The following ZNF280D variants were observed in gnomAD, a reference collection of about 807,000 sequenced individuals.
ZNF280D encodes the protein zinc finger protein 280D, also known as suppressor of hairy wing homolog 4.
In ZNF280D, 39 loss-of-function variants were observed where a neutral mutation model predicts 94.7. The observed-to-expected ratio is 0.41, with a 90% CI of 0.32 to 0.54. The LOEUF (loss-of-function observed/expected upper bound fraction) is 0.54, where lower values mean the gene tolerates loss of function less well. Ranked by LOEUF, ZNF280D falls within the 20% of genes least tolerant of loss-of-function variation. The pLI is 0.22. For synonymous variants in ZNF280D, 398 were observed against 377.6 expected (o/e 1.05, Z -0.63); for missense variants, 1,090 against 1,149.3 (o/e 0.95, Z 0.75).
chr15:56,699,065 T>A (rs2056909389), intron 6 of ZNF280D: 1 of 152,258 alleles, frequency 6.6e-6, no homozygotes, highest in Admixed American at 6.5e-5. Flanking sequence ...CTGTGTAAGT[T>A]TGTGGTAATA....
chr15:56,727,427 C>G (rs993942707), intron 1 of ZNF280D, among the ~76,000 whole-genome samples: 14 of 152,140 alleles, frequency 9.2e-5, no homozygotes, highest in African/African-American at 3.4e-4. Flanking sequence ...CCATTGCATT[C>G]CAGCCTGGAC....
chr15:56,707,358 A>T, intron 1 of ZNF280D, 52 bp from the exon 2 acceptor site: 1 of 1,438,014 alleles, frequency 7.0e-7, no homozygotes, highest in Non-Finnish European at 9.3e-7. Flanking sequence ...AATTAGATGT[A>T]TACATATTTA....
rs192551725 is a variant in ZNF280D at position 56,653,264 on chromosome 15, A to G, written c.2213+934T>C. 3.4e-6 allele frequency: 4 copies of G among 1,178,910 alleles called. 1 individual carries two copies. In the Admixed American group the frequency reaches 1.8e-4, roughly 54 times the overall value. The allele number at this position is 1,178,910 out of a possible 1,614,324, so 73.0% of individuals were successfully genotyped here. A position where few individuals can be genotyped will look rare whatever the true frequency, so the allele number is the denominator to read the frequency against. On this transcript the variant is annotated intron_variant, in intron 19 of 21. Transcript: ENST00000267807. ...CCAAAATGACTAAACTTCAACTTGG[A>G]TGCTGAAGCAGTGGTTTGATGGGCT...
At chr15:56,661,600 A>G (rs1283735158) in intron 16 of ZNF280D, among the ~76,000 whole-genome samples, 1 of 152,186 alleles carries the variant, frequency 6.6e-6, no homozygotes, top group Non-Finnish European at 1.5e-5. Context: ...TGGAAATTTT[A>G]AAAATCATCC....
intron 1 of ZNF280D, among the ~76,000 whole-genome samples, chr15:56,728,909 T>C (rs778773092): frequency 1.7e-4 from 26 of 152,282 alleles, no homozygotes; most frequent in Admixed American, 2.6e-4. Context: ...GTTCTGTGCA[T>C]ATTTGAGGTA....
chr15:56,635,940 A>G (rs1043210364), intron 20 of ZNF280D, among the ~76,000 whole-genome samples: 10 of 152,156 alleles, frequency 6.6e-5, no homozygotes, highest in African/African-American at 2.4e-4. Flanking sequence ...ACACTATTTC[A>G]ATATATGAGA....
At chr15:56,687,570 C>T (rs1394490948) in intron 9 of ZNF280D, among the ~76,000 whole-genome samples, 2 of 152,122 alleles carry the variant, frequency 1.3e-5, no homozygotes, top group Non-Finnish European at 2.9e-5. Context: ...AGATAAGATT[C>T]TTCACATGTA....
At position 56,689,034 on chromosome 15, in the gene ZNF280D, G is replaced by A. The variant is rs752730701; in HGVS notation, c.780+7C>T. ...TTTTTACAAATTAAATTTTGAAAGA[G>A]TTTTACCTTCATGTGATTTTTCAAA... On this transcript the variant is annotated splice_region_variant and intron_variant, in intron 9 of 21. Transcript: ENST00000267807. 2 of 1,581,046 alleles carry A rather than the reference G, an allele frequency of 1.3e-6. No individual in the cohort carries two copies. Among genetic ancestry groups the A allele is most frequent in the East Asian group, 2.3e-5 (1 of 44,302 alleles).
chr15:56,682,852 T>C (rs2141010366), intron 9 of ZNF280D, among the ~76,000 whole-genome samples: 1 of 152,192 alleles, frequency 6.6e-6, no homozygotes, highest in Non-Finnish European at 1.5e-5. Flanking sequence ...GAAATGTTTA[T>C]ATGCCTTGAT....
chr15:56,672,419 C>T (rs1369936465), intron 13 of ZNF280D, among the ~76,000 whole-genome samples: 6 of 152,108 alleles, frequency 3.9e-5, no homozygotes, highest in African/African-American at 1.2e-4. Flanking sequence ...AAAGCCTTTT[C>T]TGCATCTATT....
intron 10 of ZNF280D, 68 bp downstream of exon 10, chr15:56,682,181 CAAAAT>C (rs1251936130): frequency 4.3e-6 from 5 of 1,149,462 alleles, no homozygotes; most frequent in African/African-American, 3.2e-5. Context: ...ATAGAAAACA[CAAAAT>C]AAAAGTATAA....
chr15:56,652,583 T>C (rs754215646), intron 19 of ZNF280D: 57 of 952,098 alleles, frequency 6.0e-5, no homozygotes, highest in African/African-American at 7.1e-5. Flanking sequence ...ATTTAAAATA[T>C]ATAAAGGAAA....
chr15:56,681,368 C>T (rs1195823842), intron 10 of ZNF280D, among the ~76,000 whole-genome samples: 1 of 152,064 alleles, frequency 6.6e-6, no homozygotes, highest in Non-Finnish European at 1.5e-5. Flanking sequence ...TGCAGATTAC[C>T]TTGAAATGCA....
At chr15:56,673,897 C>T (rs1381715161) in intron 13 of ZNF280D, among the ~76,000 whole-genome samples, 1 of 151,878 alleles carries the variant, frequency 6.6e-6, no homozygotes, top group East Asian at 1.9e-4. Flanking sequence ...CCTTTTTTGA[C>T]CACTCCTGTA....
chr15:56,658,843 C>T (rs1216701831), intron 16 of ZNF280D, among the ~76,000 whole-genome samples: 1 of 152,048 alleles, frequency 6.6e-6, no homozygotes, highest in Non-Finnish European at 1.5e-5. Context: ...AACACGTGTG[C>T]TACAATATGA....
chr15:56,676,754 T>C lies in ZNF280D; in HGVS notation c.1326A>G (p.Glu442=), dbSNP rs2055258858. The C allele has an allele frequency of 6.2e-7, 1 of 1,611,554 alleles. No individual in the cohort carries two copies. The highest frequency in any genetic ancestry group is 1.7e-5 in the Admixed American group (1 of 59,930). Residue 442 remains glutamate, a synonymous_variant, in exon 13 of 22, where the codon GAA becomes GAG. Transcript: ENST00000267807. ...DVETHFRTSH[E]NTKNLLCPFC... is the part of the protein sequence containing the mutation. ...ACGGGCATAGCAAGTTCTTAGTGTT[T>C]TCATGGGATGTTCTAAAATGAGTTT...
intron 16 of ZNF280D, among the ~76,000 whole-genome samples, chr15:56,661,695 G>A (rs1442290939): frequency 6.6e-6 from 1 of 151,912 alleles, no homozygotes; most frequent in East Asian, 1.9e-4. Flanking sequence ...TACTTTCATA[G>A]TCATTTGTTT....
intron 1 of ZNF280D, among the ~76,000 whole-genome samples, chr15:56,716,446 A>C (rs1257992006): frequency 6.6e-6 from 1 of 151,924 alleles, no homozygotes; most frequent in African/African-American, 2.4e-5. Context: ...AATGTGCAAA[A>C]GACCTATGGC....
intron 20 of ZNF280D, among the ~76,000 whole-genome samples, chr15:56,640,660 C>T (rs975224735): frequency 1.2e-4 from 18 of 152,176 alleles, no homozygotes; most frequent in Admixed American, 5.9e-4. Flanking sequence ...TACAATTTCT[C>T]TTGAACAAGT....
Sources: gnomAD v4.1 joint callset for allele counts (sites outside exome capture counted in the v4.1 genomes callset) on GRCh38, gnomAD v4.1.1 for gene constraint, MANE v1.5 for transcripts, NCBI Gene and HGNC (gene_info 2026-07-23, HGNC 2026-07-21) for gene names.